The following GRIA1 variants were observed in gnomAD, a reference collection of about 807,000 sequenced individuals.
GRIA1 encodes glutamate ionotropic receptor AMPA type subunit 1, also known as glutamate receptor 1.
A neutral mutation model predicts 99.2 loss-of-function variants in GRIA1; 31 were observed. The ratio of observed to expected loss-of-function variants is 0.31; its 90% CI spans 0.23 to 0.42. The LOEUF (loss-of-function observed/expected upper bound fraction) is 0.42, where lower values mean the gene tolerates loss of function less well. Among genes scored for constraint, GRIA1 ranks in the 10% least tolerant of loss-of-function variants. GRIA1 has a pLI of 1.00. For synonymous variants in GRIA1, 438 were observed against 432.4 expected, an observed-to-expected ratio of 1.01 and a Z score of -0.16; for missense variants, 782 against 1,157.5, an observed-to-expected ratio of 0.68 and a Z score of 4.71.
intron 5 of GRIA1, among the ~76,000 whole-genome samples, chr5:153,671,290 T>C (rs541048802): frequency 6.6e-6 from 1 of 152,210 alleles, no homozygotes; most frequent in African/African-American, 2.4e-5. Context: ...CAGGACCTTG[T>C]TACAGATTTT....
intron 2 of GRIA1, among the ~76,000 whole-genome samples, chr5:153,570,766 T>C (rs1267836248): frequency 6.6e-6 from 1 of 152,182 alleles, no homozygotes; most frequent in Admixed American, 6.5e-5. Context: ...AATGAGAGGA[T>C]AAATTTAAAA....
At position 153,492,211 on chromosome 5, in the gene GRIA1, A is replaced by G. The variant is rs538945571; in HGVS notation, c.82+1241A>G. ...TTGTCGGGCATACATGTGCTGCAGT[A>G]CCCATCTCTTTCAGCCTCTCCAGCT... On this transcript the variant is annotated intron_variant, in intron 1 of 15. Transcript: ENST00000285900. The G allele has an allele frequency of 6.5e-6, 10 of 1,532,910 alleles. No homozygotes were observed. The African/African-American group carries it at 1.3e-4, about 19-fold the overall frequency. The allele number at this position is 1,532,910 out of a possible 1,614,324, so 95.0% of individuals were successfully genotyped here.
At position 153,680,162 on chromosome 5, in the gene GRIA1, G is replaced by A. The variant is rs190841470; in HGVS notation, c.1029+3001G>A. 3.7e-3 allele frequency among the ~76,000 whole-genome samples: 561 copies of A among 152,162 alleles called. 4 individuals are homozygous for A. The highest frequency in any genetic ancestry group is 0.013 in the African/African-American group (531 of 41,508). On this transcript the variant is annotated intron_variant, in intron 7 of 15. Transcript: ENST00000285900. ...AAACCTCAAGGGCACGGCCAAACAG[G>A]GAAGACACAAGAGCTATGGCCCAGC... is the stretch of plus-strand genomic sequence containing the variant.
chr5:153,690,812 G>A (rs550784634), intron 8 of GRIA1, among the ~76,000 whole-genome samples: 5 of 152,270 alleles, frequency 3.3e-5, no homozygotes, highest in South Asian at 2.1e-4. Flanking sequence ...GGGCTTAAAC[G>A]TCCTTTGTTT....
At chr5:153,492,900 C>G (rs1754061521) in intron 1 of GRIA1, among the ~76,000 whole-genome samples, 1 of 152,162 alleles carries the variant, frequency 6.6e-6, no homozygotes, top group Non-Finnish European at 1.5e-5. Flanking sequence ...GCTTGCAATC[C>G]ATTTATTGGT....
At chr5:153,581,549 A>G (rs1382678868) in intron 2 of GRIA1, among the ~76,000 whole-genome samples, 1 of 152,098 alleles carries the variant, frequency 6.6e-6, no homozygotes, top group African/African-American at 2.4e-5. Context: ...CTTTTCTAAG[A>G]TATTTCCTGC....
At chr5:153,648,932 A>T (rs936680177) in intron 3 of GRIA1, among the ~76,000 whole-genome samples, 1 of 152,162 alleles carries the variant, frequency 6.6e-6, no homozygotes. Context: ...GTTGGGATTA[A>T]GGTTGCTAAA....
intron 13 of GRIA1, among the ~76,000 whole-genome samples, chr5:153,777,628 T>TG (rs1163374591): frequency 6.6e-6 from 1 of 152,156 alleles, no homozygotes; most frequent in Admixed American, 6.6e-5. Context: ...GAACTTATTT[T>TG]TTTCTTTTTT....
chr5:153,494,295 T>A, intron 2 of GRIA1: 1 of 525,084 alleles, frequency 1.9e-6, no homozygotes, highest in Non-Finnish European at 3.4e-6. Flanking sequence ...CAGCTAACTT[T>A]AATGCCAGCA....
At chr5:153,649,262 C>T (rs888547923) in intron 3 of GRIA1, among the ~76,000 whole-genome samples, 4 of 152,150 alleles carry the variant, frequency 2.6e-5, no homozygotes, top group African/African-American at 4.8e-5. Context: ...TAAGATAGTA[C>T]ATTTGTGTTG....
chr5:153,775,520 C>T (rs143565136), intron 13 of GRIA1, among the ~76,000 whole-genome samples: 13 of 152,268 alleles, frequency 8.5e-5, no homozygotes, highest in East Asian at 1.9e-4. Context: ...TGCAGCTTAC[C>T]GGGTAATGGG....
At chr5:153,742,153 G>A (rs993260448) in intron 11 of GRIA1, among the ~76,000 whole-genome samples, 3 of 152,110 alleles carry the variant, frequency 2.0e-5, no homozygotes, top group African/African-American at 7.2e-5. Flanking sequence ...TGGCTGAGGG[G>A]GTCCAGAAAA....
chr5:153,719,684 C>A (rs1759919814), intron 11 of GRIA1, among the ~76,000 whole-genome samples: 1 of 152,052 alleles, frequency 6.6e-6, no homozygotes, highest in African/African-American at 2.4e-5. Flanking sequence ...GTCACAACCC[C>A]AACCAGATTA....
intron 1 of GRIA1, among the ~76,000 whole-genome samples, chr5:153,493,034 T>C (rs543199194): frequency 4.6e-5 from 7 of 152,344 alleles, no homozygotes; most frequent in South Asian, 2.1e-4. Context: ...TAGAAATGGC[T>C]GATTTTAATT....
At position 153,684,148 on chromosome 5, in the gene GRIA1, A is replaced by T. The variant is rs374771471; in HGVS notation, c.1030-2077A>T. Among the ~76,000 whole-genome samples, 7 of 152,286 alleles carry T rather than the reference A, an allele frequency of 4.6e-5. 1 individual carries two copies. The South Asian group carries it at 1.5e-3, about 32-fold the overall frequency. On this transcript the variant is annotated intron_variant, in intron 7 of 15. Coordinates refer to ENST00000285900, the MANE Select transcript of GRIA1 (RefSeq NM_000827.4). ...ATCACTTTACTTCCCAGAATTTGGC[A>T]TCTCCCATGTAAATAAAGATCATAA...
intron 2 of GRIA1, among the ~76,000 whole-genome samples, chr5:153,567,315 C>T (rs1209268315): frequency 2.0e-5 from 3 of 152,034 alleles, no homozygotes; most frequent in Non-Finnish European, 4.4e-5. Context: ...AGATTTCAGA[C>T]AATGATAAAT....
intron 2 of GRIA1, among the ~76,000 whole-genome samples, chr5:153,549,654 C>T (rs542827439): frequency 2.6e-5 from 4 of 152,196 alleles, no homozygotes; most frequent in South Asian, 2.1e-4. Flanking sequence ...GGAAAGAAAA[C>T]GATTTCCCCT....
intron 14 of GRIA1, among the ~76,000 whole-genome samples, chr5:153,796,402 T>A (rs896572730): frequency 9.9e-5 from 15 of 152,078 alleles, no homozygotes; most frequent in African/African-American, 3.6e-4. Context: ...AAGTAGAAAG[T>A]CAGTACTTCT....
intron 8 of GRIA1, among the ~76,000 whole-genome samples, chr5:153,695,002 T>C (rs1406228083): frequency 6.6e-6 from 1 of 152,020 alleles, no homozygotes; most frequent in Non-Finnish European, 1.5e-5. Context: ...AAAAAAAACC[T>C]TAGGACCATC....
Sources: allele counts gnomAD v4.1 joint callset (sites outside exome capture counted in the v4.1 genomes callset), GRCh38; gene constraint gnomAD v4.1.1; transcripts MANE v1.5; gene names NCBI Gene and HGNC (gene_info 2026-07-23, HGNC 2026-07-21).